Variants in GLRA2 observed in about 807,000 individuals in gnomAD.
GLRA2 encodes glycine receptor alpha 2, also known as glycine receptor subunit alpha-2.
A neutral mutation model predicts 31.6 loss-of-function variants in GLRA2; 11 were observed. That is an observed-to-expected ratio of 0.35 (90% CI 0.22 to 0.58). GLRA2 has a LOEUF of 0.58. Among genes scored for constraint, GLRA2 ranks in the 20% least tolerant of loss-of-function variants. GLRA2 has a pLI of 0.84. For missense variants in GLRA2, 212 were observed against 351.8 expected (o/e 0.60, Z 3.18); for synonymous variants, 132 against 134.0 (o/e 0.99, Z 0.10).
At chrX:14,712,130 A>G (rs1025984666) in intron 8 of GLRA2, among the ~76,000 whole-genome samples, 2 of 112,941 alleles carry the variant, frequency 1.8e-5, no homozygotes, top group Non-Finnish European at 3.7e-5. Flanking sequence ...TTCCTTTGCC[A>G]GAGCAGATAT....
chrX:14,467,652 T>A, the GLRA2 span, among the ~76,000 whole-genome samples: 1 of 111,632 alleles, frequency 9.0e-6, no homozygotes, highest in Non-Finnish European at 1.9e-5. Flanking sequence ...TAGGCCTGCA[T>A]GTCCGAACAT....
At position 14,604,888 on chromosome X, in the gene GLRA2, G is replaced by A. The variant is rs994543584; in HGVS notation, c.577+491G>A. ...GAACAAGACATAAGGACCTTGGCCAGAGGAGGATGTAAGAATGAGGGGCAT... is the reference window on the plus strand; with the variant it reads ...GAACAAGACATAAGGACCTTGGCCAAAGGAGGATGTAAGAATGAGGGGCAT... On this transcript the variant is annotated intron_variant, in intron 5 of 8. Coordinates refer to ENST00000218075, the MANE Select transcript of GLRA2 (RefSeq NM_002063.4). Among the ~76,000 whole-genome samples the A allele has an allele frequency of 4.5e-5, 5 of 110,599 alleles. No individual in the cohort carries two copies. The Admixed American group carries it at 4.9e-4, about 11-fold the overall frequency.
chrX:14,730,298 C>G lies in GLRA2; in HGVS notation c.1172C>G (p.Ala391Gly). 1 of 1,208,111 alleles carries G rather than the reference C, an allele frequency of 8.3e-7. No homozygotes were observed. Among genetic ancestry groups the G allele is most frequent in the Non-Finnish European group, 1.1e-6 (1 of 892,616 alleles). Residue 391 changes from alanine (A) to glycine (G), a missense_variant, in exon 9 of 9, where the codon GCC (alanine) becomes GGC (glycine). Physicochemically the swap from Ala to Gly is moderately conservative, Grantham distance 60 (BLOSUM62 0). Around this residue, in one of 5 missense-constraint regions of GLRA2, gnomAD observed 42 missense variants for 52.0 expected, o/e 0.81. Coordinates refer to ENST00000218075, the MANE Select transcript of GLRA2 (RefSeq NM_002063.4). ...GTGAAAGATGGAACAGCTGTCAAGG[C>G]CACACCTGCCAACCCACTCCCACAA... ...LQVKDGTAVK[A>G]TPANPLPQPP... is the part of the protein sequence containing the mutation.
chrX:14,697,878 G>A (rs1442847835), intron 8 of GLRA2, among the ~76,000 whole-genome samples: 1 of 111,827 alleles, frequency 8.9e-6, no homozygotes, highest in African/African-American at 3.3e-5. Context: ...ATATAAATCC[G>A]TTTTAACTAC....
At chrX:14,696,248 T>G (rs2091445560) in intron 8 of GLRA2, among the ~76,000 whole-genome samples, 2 of 103,979 alleles carry the variant, frequency 1.9e-5, no homozygotes, top group Middle Eastern at 4.8e-3. Context: ...GGGACGGAAG[T>G]GAAGTTAAGG....
intron 7 of GLRA2, among the ~76,000 whole-genome samples, chrX:14,661,987 C>T (rs957149216): frequency 1.8e-5 from 2 of 109,533 alleles, no homozygotes; most frequent in Non-Finnish European, 3.8e-5. Context: ...TATCTCAAGC[C>T]TATGATGTAT....
chrX:14,474,981 T>C, the GLRA2 span, among the ~76,000 whole-genome samples: 5 of 111,999 alleles, frequency 4.5e-5, no homozygotes, highest in African/African-American at 6.5e-5. Flanking sequence ...TAGCCCTTGT[T>C]GCAATCTACC....
intron 7 of GLRA2, among the ~76,000 whole-genome samples, chrX:14,679,888 G>A (rs1449556281): frequency 9.0e-6 from 1 of 111,555 alleles, no homozygotes; most frequent in Non-Finnish European, 1.9e-5. Context: ...GTAGACCATG[G>A]GATTCTTAAG....
chrX:14,482,837 C>T, the GLRA2 span, among the ~76,000 whole-genome samples: 13 of 110,545 alleles, frequency 1.2e-4, no homozygotes, highest in East Asian at 3.4e-3. Context: ...GTTCACTTTC[C>T]ATATCTTATT....
intron 7 of GLRA2, among the ~76,000 whole-genome samples, chrX:14,631,771 G>C (rs2090649525): frequency 1.0e-5 from 1 of 97,355 alleles, no homozygotes; most frequent in Non-Finnish European, 2.1e-5. Flanking sequence ...GAGTGCTCCA[G>C]AGGAATCCTC....
intron 7 of GLRA2, among the ~76,000 whole-genome samples, chrX:14,618,198 C>A (rs1177444518): frequency 1.8e-5 from 2 of 111,894 alleles, no homozygotes; most frequent in East Asian, 5.7e-4. Context: ...TAAGAAGAAG[C>A]CTCAATTAGG....
the GLRA2 span, among the ~76,000 whole-genome samples, chrX:14,494,122 G>A: frequency 9.0e-6 from 1 of 111,180 alleles, no homozygotes; most frequent in Admixed American, 9.6e-5. Context: ...TCAAAAGAAG[G>A]TAAAACTAAT....
chrX:14,669,520 GT>G (rs1442823310), intron 7 of GLRA2, among the ~76,000 whole-genome samples: 1 of 111,134 alleles, frequency 9.0e-6, no homozygotes, highest in African/African-American at 3.3e-5. Flanking sequence ...GCATCCAGGT[GT>G]TTCTATACCT....
At chrX:14,502,093 G>A in the GLRA2 span, among the ~76,000 whole-genome samples, 3 of 111,723 alleles carry the variant, frequency 2.7e-5, no homozygotes, top group African/African-American at 9.8e-5. Context: ...TGAGGTACTG[G>A]GGTTAGAATG....
intron 7 of GLRA2, among the ~76,000 whole-genome samples, chrX:14,669,124 A>G (rs62586502): frequency 0.2 from 22,814 of 111,796 alleles, 1,728 homozygotes; most frequent in Middle Eastern, 0.24. Flanking sequence ...TGCAAGTCCA[A>G]AATTCAGCAG....
intron 7 of GLRA2, among the ~76,000 whole-genome samples, chrX:14,636,543 A>G (rs760522963): frequency 3.2e-4 from 36 of 111,758 alleles, no homozygotes; most frequent in African/African-American, 1.1e-3. Context: ...TGTTAAGTTC[A>G]TCAAAATTAA....
intron 2 of GLRA2, among the ~76,000 whole-genome samples, chrX:14,546,862 A>C (rs1027379073): frequency 2.7e-5 from 3 of 111,676 alleles, no homozygotes; most frequent in East Asian, 5.6e-4. Flanking sequence ...TAATTATTAC[A>C]TAAAAATTTG....
At chrX:14,725,209 ATT>A (rs1455510028) in intron 8 of GLRA2, among the ~76,000 whole-genome samples, 1 of 111,929 alleles carries the variant, frequency 8.9e-6, no homozygotes, top group Non-Finnish European at 1.9e-5. Context: ...AATGCTATCC[ATT>A]TATTATTCAT....
the GLRA2 span, among the ~76,000 whole-genome samples, chrX:14,523,584 G>A: frequency 9.0e-6 from 1 of 111,613 alleles, no homozygotes; most frequent in African/African-American, 3.3e-5. Flanking sequence ...TTTCAAGTGA[G>A]AGACATATGA....
Sources: allele counts gnomAD v4.1 joint callset (sites outside exome capture counted in the v4.1 genomes callset), GRCh38; gene constraint gnomAD v4.1.1; regional missense constraint gnomAD v4.1.1; transcripts MANE v1.5; gene names NCBI Gene and HGNC (gene_info 2026-07-23, HGNC 2026-07-21).